LRP4: variants seen among roughly 807,000 people sequenced by gnomAD.
The protein encoded by LRP4 is LDL receptor related protein 4, also known as low-density lipoprotein receptor-related protein 4.
A neutral mutation model predicts 220.3 loss-of-function variants in LRP4; 95 were observed. The ratio of observed to expected loss-of-function variants is 0.43; its 90% CI spans 0.37 to 0.51. The LOEUF (loss-of-function observed/expected upper bound fraction) is 0.51. Among genes scored for constraint, LRP4 ranks in the 20% least tolerant of loss-of-function variants. The pLI is 0.00. For missense variants in LRP4, 1,925 were observed against 2,567.0 expected, an observed-to-expected ratio of 0.75 and a Z score of 5.40; for synonymous variants, 903 against 954.6, an observed-to-expected ratio of 0.95 and a Z score of 1.00.
intron 7 of LRP4, among the ~76,000 whole-genome samples, chr11:46,897,767 A>G (rs376257578): frequency 3.3e-5 from 5 of 152,082 alleles, no homozygotes; most frequent in African/African-American, 1.2e-4. Context: ...TCTCCCATGT[A>G]TACTTCTTTC....
chr11:46,886,074 G>A lies in LRP4; in HGVS notation c.2506+17C>T, dbSNP rs376349760. 3.2e-4 allele frequency: 516 copies of A among 1,611,134 alleles called. 5 individuals carry two copies. The Admixed American group carries it at 6.3e-3, about 20-fold the overall frequency. On this transcript the variant is annotated intron_variant, in intron 18 of 37. Coordinates refer to ENST00000378623, the MANE Select transcript of LRP4 (RefSeq NM_002334.4). The stretch of plus-strand genomic sequence containing the variant: ...AATCCCAGGGAGCCAGGCAGGCCAC[G>A]GCTCCCCTATGCATACCTGCATCTG...
intron 13 of LRP4, among the ~76,000 whole-genome samples, chr11:46,892,144 G>A (rs1431971213): frequency 6.6e-6 from 1 of 152,108 alleles, no homozygotes; most frequent in African/African-American, 2.4e-5. Context: ...TGTTGCCCAG[G>A]CTGATCTTGA....
chr11:46,909,372 C>G (rs1009868442), intron 1 of LRP4, among the ~76,000 whole-genome samples: 1 of 143,464 alleles, frequency 7.0e-6, no homozygotes, highest in Non-Finnish European at 1.5e-5. Flanking sequence ...TTTGGGAGGC[C>G]GAGGCGGGTG....
Position 46,876,799 on chromosome 11 carries a change from G to C in LRP4, c.3309C>G (p.His1103Gln), listed in dbSNP as rs1365174980. The C allele has an allele frequency of 6.2e-7, 1 of 1,613,980 alleles. No homozygotes were observed. Among genetic ancestry groups the C allele is most frequent in the African/African-American group, 1.3e-5 (1 of 74,930 alleles). ...CATCCAGATTGGCACGACTGATCCTGTGCAGTGTGCTGTCAGACCAGTACA... is the reference window on the plus strand; with the variant it reads ...CATCCAGATTGGCACGACTGATCCTCTGCAGTGTGCTGTCAGACCAGTACA... ...GKVYWSDSTL[H>Q]RISRANLDGS... The change falls in exon 24 of 38, where the codon CAC becomes CAG. Residue 1103 changes from histidine to glutamine, a missense_variant. By Grantham distance (24) the His-to-Gln change is conservative. Transcript: ENST00000378623.
intron 16 of LRP4, 113 bp downstream of exon 16, chr11:46,889,298 C>T: frequency 7.0e-7 from 1 of 1,430,650 alleles, no homozygotes; most frequent in Non-Finnish European, 9.7e-7. Flanking sequence ...CCAGGGCTCC[C>T]TGAGGAATGT....
chr11:46,908,724 C>T (rs1012256096), intron 1 of LRP4, among the ~76,000 whole-genome samples: 5 of 152,202 alleles, frequency 3.3e-5, no homozygotes, highest in African/African-American at 9.6e-5. Context: ...TCATTTCCCT[C>T]GCCGGAAGGT....
chr11:46,880,555 C>T (rs895755042), intron 20 of LRP4, among the ~76,000 whole-genome samples: 4 of 152,022 alleles, frequency 2.6e-5, no homozygotes, highest in Admixed American at 1.3e-4. Context: ...GCCAGGAGGT[C>T]GCAGTTACAG....
intron 22 of LRP4, 35 bp downstream of exon 22, chr11:46,878,872 G>A (rs1941081534): frequency 1.2e-6 from 2 of 1,613,364 alleles, no homozygotes; most frequent in African/African-American, 1.3e-5. Flanking sequence ...CCCTCCCAGA[G>A]AGGCTGCATC....
chr11:46,859,431 C>T, intron 37 of LRP4, 116 bp from the exon 38 acceptor site: 1 of 784,468 alleles, frequency 1.3e-6, no homozygotes, highest in Non-Finnish European at 2.2e-6. Flanking sequence ...CACAAAAATC[C>T]CACAAACAAA....
At chr11:46,888,548 CAAAAAAAAAA>C (rs71042635) in intron 16 of LRP4, among the ~76,000 whole-genome samples, 59 of 31,316 alleles carry the variant, frequency 1.9e-3, no homozygotes, top group East Asian at 7.2e-3. Flanking sequence ...AAAACTGTCT[CAAAAAAAAAA>C]AAAAAAAAAA....
chr11:46,889,059 T>C (rs1341731613), intron 16 of LRP4, among the ~76,000 whole-genome samples: 2 of 152,198 alleles, frequency 1.3e-5, no homozygotes, highest in Non-Finnish European at 2.9e-5. Context: ...TTCAACAGGG[T>C]GACGCTAAAG....
chr11:46,904,227 G>GA (rs1301117700), intron 1 of LRP4, among the ~76,000 whole-genome samples: 3 of 152,176 alleles, frequency 2.0e-5, no homozygotes. Flanking sequence ...AACAGAGAAG[G>GA]AGTCAGCTCG....
chr11:46,882,571 G>C (rs1265475977), intron 19 of LRP4, among the ~76,000 whole-genome samples: 6 of 152,092 alleles, frequency 3.9e-5, no homozygotes, highest in Non-Finnish European at 4.4e-5. Context: ...AACAACATAG[G>C]CCAGGTGCAG....
intron 1 of LRP4, among the ~76,000 whole-genome samples, chr11:46,912,965 C>G (rs1421604431): frequency 6.6e-6 from 1 of 152,138 alleles, no homozygotes; most frequent in Non-Finnish European, 1.5e-5. Flanking sequence ...GCTTGCCGCT[C>G]TGATCCTCAG....
intron 6 of LRP4, 48 bp from the exon 7 acceptor site, chr11:46,898,725 C>T: frequency 1.2e-6 from 2 of 1,612,998 alleles, no homozygotes; most frequent in South Asian, 1.1e-5. Context: ...TGCAGTGTCC[C>T]ATGGCAGACT....
At chr11:46,881,589 G>T in intron 20 of LRP4, 113 bp downstream of exon 20, 1 of 1,023,900 alleles carries the variant, frequency 9.8e-7, no homozygotes, top group Non-Finnish European at 1.6e-6. Context: ...ATAACCTCCA[G>T]ATCCCCTTAT....
chr11:46,864,593 G>A lies in LRP4; in HGVS notation c.5156-58C>T, dbSNP rs539213829. ...CACCGACAACTTTCTAGCGGTGCTG[G>A]TGTGAGGAATGGAAAGCTGAAAGGC... On this transcript the variant is annotated intron_variant, in intron 35 of 37. Coordinates refer to ENST00000378623, the MANE Select transcript of LRP4 (RefSeq NM_002334.4). 9.4e-6 allele frequency: 11 copies of A among 1,173,868 alleles called. No individual in the cohort carries two copies. The African/African-American group carries it at 1.1e-4, about 11-fold the overall frequency. The allele number at this position is 1,173,868 out of a possible 1,614,324, so 72.7% of individuals were successfully genotyped here.
Position 46,896,258 on chromosome 11 carries a change from C to A in LRP4, c.1000G>T (p.Val334Phe). Residue 334 changes from valine (V) to phenylalanine (F), a missense_variant, in exon 9 of 38, where the codon GTC becomes TTC. Coordinates refer to ENST00000378623, the MANE Select transcript of LRP4 (RefSeq NM_002334.4). ...TCGCTGTTGTCACCACAGTCGTTGACCCCGTTGCACAGCTTCCTCTGCCCA... is the reference window on the plus strand; with the variant it reads ...TCGCTGTTGTCACCACAGTCGTTGAACCCGTTGCACAGCTTCCTCTGCCCA... ...CIGQRKLCNG[V>F]NDCGDNSDES... 1 of 1,614,168 alleles carries A rather than the reference C, an allele frequency of 6.2e-7. No homozygotes were observed. The highest frequency in any genetic ancestry group is 1.1e-5 in the South Asian group (1 of 91,086).
chr11:46,898,984 G>A lies in LRP4; in HGVS notation c.596C>T (p.Ala199Val). 1 of 1,613,722 alleles carries A rather than the reference G, an allele frequency of 6.2e-7. No homozygotes were observed. The highest frequency in any genetic ancestry group is 8.5e-7 in the Non-Finnish European group (1 of 1,179,978). The change falls in exon 6 of 38, where the codon GCC (alanine) becomes GTC (valine). Residue 199 changes from alanine to valine, a missense_variant. Transcript: ENST00000378623. ...GATGTCGAGGATGCAGCGTCCATAG[G>A]CACACTGGAACTCCTCCAGGTTGCA... is the stretch of plus-strand genomic sequence containing the variant. ...PPCNLEEFQC[A>V]YGRCILDIYH...
Sources: allele counts gnomAD v4.1 joint callset (sites outside exome capture counted in the v4.1 genomes callset), GRCh38; gene constraint gnomAD v4.1.1; transcripts MANE v1.5; gene names NCBI Gene and HGNC (gene_info 2026-07-23, HGNC 2026-07-21).